Variants in CSMD3 observed in about 807,000 individuals in gnomAD.
The protein encoded by CSMD3 is CUB and sushi domain-containing protein 3.
A neutral mutation model predicts 435.2 loss-of-function variants in CSMD3; 177 were observed. The observed-to-expected ratio is 0.41, with a 90% CI of 0.36 to 0.46. The LOEUF is 0.46. Among genes scored for constraint, CSMD3 ranks in the 20% least tolerant of loss-of-function variants. The probability of loss-of-function intolerance (pLI) is 0.34; values close to 1 mark genes in which losing one functional copy is unlikely to be tolerated. For synonymous variants in CSMD3, 1,656 were observed against 1,520.5 expected (o/e 1.09, Z -2.07); for missense variants, 4,265 against 4,504.6 (o/e 0.95, Z 1.52).
chr8:112,494,982 C>T (rs1287962780), intron 30 of CSMD3, among the ~76,000 whole-genome samples: 3 of 152,118 alleles, frequency 2.0e-5, no homozygotes, highest in East Asian at 1.9e-4. Flanking sequence ...ATATTATACT[C>T]AAGCTGCTCT....
At chr8:113,190,888 A>G (rs530085157) in intron 3 of CSMD3, among the ~76,000 whole-genome samples, 5 of 151,818 alleles carry the variant, frequency 3.3e-5, no homozygotes, top group Admixed American at 1.3e-4. Flanking sequence ...CATTTATTTC[A>G]TATTGAGTGT....
At chr8:113,267,370 G>T (rs1019722495) in intron 3 of CSMD3, among the ~76,000 whole-genome samples, 4 of 151,536 alleles carry the variant, frequency 2.6e-5, no homozygotes, top group African/African-American at 9.7e-5. Context: ...ATCAACAGAT[G>T]AACAGATAAA....
At chr8:112,871,251 G>C (rs2081127496) in intron 10 of CSMD3, among the ~76,000 whole-genome samples, 1 of 152,110 alleles carries the variant, frequency 6.6e-6, no homozygotes, top group Non-Finnish European at 1.5e-5. Flanking sequence ...AAATGGCTCA[G>C]GATAGTAAAT....
intron 5 of CSMD3, among the ~76,000 whole-genome samples, chr8:113,028,105 C>T (rs2086944807): frequency 6.6e-6 from 1 of 152,072 alleles, no homozygotes; most frequent in African/African-American, 2.4e-5. Context: ...TTTCCAATAA[C>T]ATATTGTCAC....
intron 13 of CSMD3, among the ~76,000 whole-genome samples, chr8:112,707,676 A>G (rs1471076217): frequency 6.6e-6 from 1 of 152,052 alleles, no homozygotes; most frequent in Non-Finnish European, 1.5e-5. Context: ...GTGTTTGTCT[A>G]TCTTTCACGC....
chr8:112,908,442 T>C (rs1442759915), intron 10 of CSMD3, among the ~76,000 whole-genome samples: 1 of 151,504 alleles, frequency 6.6e-6, no homozygotes, highest in Non-Finnish European at 1.5e-5. Flanking sequence ...TCAATATCTG[T>C]TCTATAATTT....
rs184466896 is a variant in CSMD3, at chr8:112,438,450, T to C, written c.5396-29418A>G. 5.9e-5 allele frequency among the ~76,000 whole-genome samples: 9 copies of C among 152,342 alleles called. No individual in the cohort carries two copies. In the East Asian group the frequency reaches 1.4e-3, roughly 23 times the overall value. ...AATTAATCTCATTGATGTCTCATAATGTCCTAAATTTTCAAAATGCTGACA... is the reference window on the plus strand; with the variant it reads ...AATTAATCTCATTGATGTCTCATAACGTCCTAAATTTTCAAAATGCTGACA... On this transcript the variant is annotated intron_variant, in intron 32 of 70. Coordinates refer to ENST00000297405, the MANE Select transcript of CSMD3 (RefSeq NM_198123.2).
At chr8:113,230,423 T>G (rs2132182678) in intron 3 of CSMD3, among the ~76,000 whole-genome samples, 1 of 151,728 alleles carries the variant, frequency 6.6e-6, no homozygotes, top group African/African-American at 2.4e-5. Flanking sequence ...ATACTCAAAT[T>G]TTTGTACAGC....
intron 12 of CSMD3, among the ~76,000 whole-genome samples, chr8:112,815,840 T>C (rs994966882): frequency 1.6e-4 from 24 of 152,196 alleles, no homozygotes; most frequent in Non-Finnish European, 4.4e-5. Flanking sequence ...TTATTCCATA[T>C]ATTTAGTCAT....
At chr8:113,321,960 A>G (rs1055939444) in intron 1 of CSMD3, among the ~76,000 whole-genome samples, 4 of 152,208 alleles carry the variant, frequency 2.6e-5, no homozygotes, top group African/African-American at 9.6e-5. Flanking sequence ...AAAAATTTGG[A>G]AATATTATCT....
chr8:112,291,958 A>C (rs185532382), intron 55 of CSMD3, among the ~76,000 whole-genome samples: 56 of 152,176 alleles, frequency 3.7e-4, no homozygotes, highest in Middle Eastern at 6.8e-3. Context: ...AATTTTAAAA[A>C]TGACATATTT....
intron 4 of CSMD3, among the ~76,000 whole-genome samples, chr8:113,164,458 C>T (rs1043729385): frequency 2.7e-5 from 4 of 150,564 alleles, no homozygotes; most frequent in Non-Finnish European, 4.4e-5. Flanking sequence ...TCCTCCCTGA[C>T]TCCTTAAATA....
rs115689054 is a variant in CSMD3 at position 113,050,513 on chromosome 8, A to G, written c.918-31334T>C. Among the ~76,000 whole-genome samples the G allele has an allele frequency of 9.4e-3, 1,426 of 152,214 alleles. 14 individuals carry two copies. The highest frequency in any genetic ancestry group is 0.032 in the African/African-American group (1,347 of 41,574). ...AGACTACCACATCTTAAATAAGAAA[A>G]TGGCATTAAGGAATTTGCCAACTAT... On this transcript the variant is annotated intron_variant, in intron 5 of 70. Coordinates refer to ENST00000297405, the MANE Select transcript of CSMD3 (RefSeq NM_198123.2).
intron 41 of CSMD3, among the ~76,000 whole-genome samples, chr8:112,343,285 A>T (rs934308928): frequency 6.6e-6 from 1 of 152,132 alleles, no homozygotes; most frequent in South Asian, 2.1e-4. Flanking sequence ...CATAAGCTAC[A>T]GTGGCTAGTG....
chr8:112,257,548 A>G (rs546013754), intron 61 of CSMD3, among the ~76,000 whole-genome samples: 2 of 152,218 alleles, frequency 1.3e-5, no homozygotes, highest in Non-Finnish European at 2.9e-5. Flanking sequence ...CAAAGACAAC[A>G]TAATACCTAG....
rs939180798 is a variant in CSMD3, at chr8:112,979,430, T to C, written c.1031-3282A>G. Among the ~76,000 whole-genome samples, 43 of 151,662 alleles carry C rather than the reference T, an allele frequency of 2.8e-4. 1 individual carries two copies. The highest frequency in any genetic ancestry group is 8.9e-5 in the Non-Finnish European group (6 of 67,708). ...ATACTGATATTGGTAATATTTTAAA[T>C]TGGCAGTGTATGAAACACAGATTTT... On this transcript the variant is annotated intron_variant, in intron 6 of 70. Transcript: ENST00000297405.
At chr8:113,258,880 AC>A (rs2093404627) in intron 3 of CSMD3, among the ~76,000 whole-genome samples, 1 of 152,090 alleles carries the variant, frequency 6.6e-6, no homozygotes, top group African/African-American at 2.4e-5. Context: ...AGTGGTAAAG[AC>A]CATAAGAAGT....
At chr8:113,038,552 G>C (rs553520484) in intron 5 of CSMD3, among the ~76,000 whole-genome samples, 1 of 152,254 alleles carries the variant, frequency 6.6e-6, no homozygotes, top group East Asian at 1.9e-4. Flanking sequence ...AGGAATCAAG[G>C]GGTACATGGC....
rs569152822 is a variant in CSMD3, at chr8:112,943,763, T to C, written c.1508+4027A>G. ...GTTCTTTTTCCCCCTTTGAAACAGA[T>C]GAGTCTACAAATACTTCAACTTCTG... On this transcript the variant is annotated intron_variant, in intron 9 of 70. Transcript: ENST00000297405. 4.6e-5 allele frequency among the ~76,000 whole-genome samples: 7 copies of C among 151,826 alleles called. No individual in the cohort carries two copies. In the East Asian group the frequency reaches 7.8e-4, roughly 17 times the overall value.
Sources: gnomAD v4.1 joint callset for allele counts (sites outside exome capture counted in the v4.1 genomes callset) on GRCh38, gnomAD v4.1.1 for gene constraint, MANE v1.5 for transcripts, NCBI Gene and HGNC (gene_info 2026-07-23, HGNC 2026-07-21) for gene names.